WSB2: variants seen among roughly 807,000 people sequenced by gnomAD.
WSB2 encodes WD repeat and SOCS box-containing protein 2.
In WSB2, 12 loss-of-function variants were observed where a neutral mutation model predicts 48.8. The observed-to-expected ratio is 0.25, with a 90% confidence interval of 0.16 to 0.40. The LOEUF (loss-of-function observed/expected upper bound fraction) is 0.40. WSB2 is among the 10% of genes least tolerant of loss of function. The pLI is 1.00. For synonymous variants in WSB2, 191 were observed against 203.1 expected (o/e 0.94, Z 0.51); for missense variants, 317 against 506.2 (o/e 0.63, Z 3.59).
At chr12:118,061,247 G>C (rs1259497388), upstream of WSB2, 2 of 934,844 alleles carry the variant, frequency 2.1e-6, no homozygotes, top group South Asian at 4.9e-5. Context: ...CGGAGGGGGG[G>C]TGCGGACGGG....
At chr12:118,039,605 A>G (rs2031585253) in intron 4 of WSB2, among the ~76,000 whole-genome samples, 2 of 152,194 alleles carry the variant, frequency 1.3e-5, no homozygotes, top group South Asian at 2.1e-4. Flanking sequence ...CAGGGAGGGC[A>G]AGAGAGAGAA....
intron 2 of WSB2, among the ~76,000 whole-genome samples, chr12:118,049,694 C>T (rs886436516): frequency 6.6e-6 from 1 of 152,092 alleles, no homozygotes; most frequent in Non-Finnish European, 1.5e-5. Flanking sequence ...TCAGGTACCG[C>T]GCCCAGCCCA....
At chr12:118,038,439 G>A in intron 4 of WSB2, 51 bp from the exon 5 acceptor site, 1 of 1,573,404 alleles carries the variant, frequency 6.4e-7, no homozygotes. Flanking sequence ...AAAGCAGGAA[G>A]ACTGGAGAAC....
intron 2 of WSB2, 68 bp downstream of exon 2, chr12:118,052,242 A>G: frequency 6.4e-7 from 1 of 1,567,028 alleles, no homozygotes. Flanking sequence ...TCTTGGGCAC[A>G]GAGATGGCAA....
At chr12:118,061,566 G>A (rs1286874586), upstream of WSB2, among the ~76,000 whole-genome samples, 1 of 150,796 alleles carries the variant, frequency 6.6e-6, no homozygotes, top group Non-Finnish European at 1.5e-5. Flanking sequence ...AGGGGAAGCC[G>A]GGCTCAGGGG....
At chr12:118,034,423 T>C in intron 8 of WSB2, 65 bp from the exon 9 acceptor site, 1 of 1,576,578 alleles carries the variant, frequency 6.3e-7, no homozygotes, top group African/African-American at 1.4e-5. Context: ...TGAGGATGAA[T>C]ACTCATGTTT....
chr12:118,058,818 T>C (rs754595287), intron 1 of WSB2, among the ~76,000 whole-genome samples: 41 of 152,100 alleles, frequency 2.7e-4, no homozygotes, highest in Admixed American at 5.9e-4. Context: ...TGCCTCAGCC[T>C]CCTGAGTAGC....
At chr12:118,037,405 G>A (rs1011882521) in intron 5 of WSB2, among the ~76,000 whole-genome samples, 1 of 152,094 alleles carries the variant, frequency 6.6e-6, no homozygotes, top group Non-Finnish European at 1.5e-5. Flanking sequence ...GGTGGCTCAC[G>A]CCTGCAATCC....
intron 5 of WSB2, among the ~76,000 whole-genome samples, chr12:118,037,654 G>A (rs1332154219): frequency 6.8e-6 from 1 of 146,666 alleles, no homozygotes; most frequent in Non-Finnish European, 1.5e-5. Flanking sequence ...GGCAACAACA[G>A]CGAAACTCTG....
chr12:118,057,920 C>CTT (rs113836288), intron 1 of WSB2, among the ~76,000 whole-genome samples: 109 of 149,130 alleles, frequency 7.3e-4, no homozygotes, highest in African/African-American at 2.0e-3. Context: ...CCACACTCAG[C>CTT]ATTTTTTTTT....
chr12:118,061,189 T>A, upstream of WSB2: 1 of 976,492 alleles, frequency 1.0e-6, no homozygotes, highest in Non-Finnish European at 1.2e-6. Context: ...TCCCGTCACA[T>A]GGCGGTGGGC....
intron 5 of WSB2, among the ~76,000 whole-genome samples, chr12:118,037,317 T>G (rs1286401105): frequency 1.3e-5 from 2 of 152,180 alleles, no homozygotes; most frequent in Non-Finnish European, 2.9e-5. Flanking sequence ...CTGACCTAGC[T>G]CATCACTTTA....
intron 2 of WSB2, among the ~76,000 whole-genome samples, chr12:118,048,215 C>T (rs537381274): frequency 3.9e-5 from 6 of 152,102 alleles, no homozygotes; most frequent in African/African-American, 1.4e-4. Context: ...AGGCGTGAGC[C>T]ACCGCACCCG....
chr12:118,054,793 C>G (rs893900959), intron 1 of WSB2, among the ~76,000 whole-genome samples: 5 of 150,968 alleles, frequency 3.3e-5, no homozygotes, highest in African/African-American at 1.2e-4. Flanking sequence ...CCTGAAGTTT[C>G]TGTCTTTAAA....
upstream of WSB2, chr12:118,062,173 A>G (rs2032084605): frequency 6.5e-7 from 1 of 1,534,922 alleles, no homozygotes; most frequent in Non-Finnish European, 8.7e-7. Context: ...AGCCTCAAGA[A>G]ATGGCTCGCT....
chr12:118,045,131 C>T (rs1386996989), intron 2 of WSB2, among the ~76,000 whole-genome samples: 1 of 151,180 alleles, frequency 6.6e-6, no homozygotes, highest in African/African-American at 2.4e-5. Flanking sequence ...AATCCCAGCA[C>T]TTTGGGAGGC....
chr12:118,058,174 C>A (rs1208388743), intron 1 of WSB2, among the ~76,000 whole-genome samples: 1 of 152,034 alleles, frequency 6.6e-6, no homozygotes, highest in East Asian at 1.9e-4. Flanking sequence ...ATGACCCCAG[C>A]CAGCAGGAAG....
At chr12:118,039,706 C>T (rs569261169) in intron 4 of WSB2, among the ~76,000 whole-genome samples, 21 of 151,842 alleles carry the variant, frequency 1.4e-4, no homozygotes, top group East Asian at 1.4e-3. Flanking sequence ...TAAGTTTATG[C>T]GGATGTATGG....
At chr12:118,054,751 G>A (rs1396221066) in intron 1 of WSB2, among the ~76,000 whole-genome samples, 4 of 150,376 alleles carry the variant, frequency 2.7e-5, no homozygotes, top group Non-Finnish European at 5.9e-5. Flanking sequence ...AATAACATAG[G>A]TATATCTTGT....
Sources: gnomAD v4.1 joint callset for allele counts (sites outside exome capture counted in the v4.1 genomes callset) on GRCh38, gnomAD v4.1.1 for gene constraint, MANE v1.5 for transcripts, NCBI Gene and HGNC (gene_info 2026-07-23, HGNC 2026-07-21) for gene names.